The following RBFOX1 variants were observed in gnomAD, a reference collection of about 807,000 sequenced individuals.
RBFOX1 encodes RNA binding protein fox-1 homolog 1.
A neutral mutation model predicts 57.7 loss-of-function variants in RBFOX1; 8 were observed. The ratio of observed to expected loss-of-function variants is 0.14; its 90% CI spans 0.08 to 0.25. The LOEUF (loss-of-function observed/expected upper bound fraction) is 0.25. RBFOX1 is among the 10% of genes least tolerant of loss of function. RBFOX1 has a pLI of 1.00. For synonymous variants in RBFOX1, 326 were observed against 222.4 expected, an observed-to-expected ratio of 1.47 and a Z score of -4.15; for missense variants, 611 against 548.5, an observed-to-expected ratio of 1.11 and a Z score of -1.14.
At chr16:5,916,480 A>G (rs891494114) in intron 4 of RBFOX1, among the ~76,000 whole-genome samples, 1 of 151,954 alleles carries the variant, frequency 6.6e-6, no homozygotes, top group Non-Finnish European at 1.5e-5. Flanking sequence ...CATTGCTTCC[A>G]TCTAAATTTG....
intron 3 of RBFOX1, among the ~76,000 whole-genome samples, chr16:6,898,903 A>T (rs868568666): frequency 7.4e-6 from 1 of 135,298 alleles, no homozygotes; most frequent in Non-Finnish European, 1.6e-5. Context: ...TGCATCTCGT[A>T]TGTGTTTGTG....
chr16:7,181,748 A>T (rs2082753394), intron 4 of RBFOX1, among the ~76,000 whole-genome samples: 1 of 151,894 alleles, frequency 6.6e-6, no homozygotes. Flanking sequence ...TTTGGTAGAG[A>T]CACAGTCTTG....
chr16:5,903,099 G>C (rs968663520), intron 4 of RBFOX1, among the ~76,000 whole-genome samples: 1 of 151,306 alleles, frequency 6.6e-6, no homozygotes, highest in African/African-American at 2.4e-5. Context: ...GGTGTGTGTG[G>C]GTGTGTGTGT....
chr16:6,305,106 C>G (rs1042312304), intron 1 of RBFOX1, among the ~76,000 whole-genome samples: 1 of 152,172 alleles, frequency 6.6e-6, no homozygotes, highest in Admixed American at 6.5e-5. Context: ...CTTGTAAAAG[C>G]ACATCAATCA....
chr16:6,277,750 C>A (rs2075978301), intron 1 of RBFOX1, among the ~76,000 whole-genome samples: 1 of 151,914 alleles, frequency 6.6e-6, no homozygotes, highest in Non-Finnish European at 1.5e-5. Context: ...CTGCTGGTTT[C>A]CCCTACATTT....
intron 9 of RBFOX1, among the ~76,000 whole-genome samples, chr16:7,603,345 G>A (rs145511412): frequency 6.6e-6 from 1 of 152,238 alleles, no homozygotes; most frequent in African/African-American, 2.4e-5. Flanking sequence ...AACATTTTAG[G>A]TGCTGGAGAT....
intron 4 of RBFOX1, among the ~76,000 whole-genome samples, chr16:5,926,149 G>A (rs1597818751): frequency 6.6e-6 from 1 of 152,142 alleles, no homozygotes. Flanking sequence ...GAAAAGGGAA[G>A]GTAAAAGCTT....
At chr16:5,772,146 T>A (rs1323915864) in intron 3 of RBFOX1, among the ~76,000 whole-genome samples, 1 of 152,140 alleles carries the variant, frequency 6.6e-6, no homozygotes, top group Non-Finnish European at 1.5e-5. Context: ...CACTCCAGCC[T>A]GGGTGACAGA....
intron 3 of RBFOX1, among the ~76,000 whole-genome samples, chr16:7,012,234 A>G (rs115040866): frequency 0.023 from 3,451 of 152,280 alleles, 128 homozygotes; most frequent in African/African-American, 0.077. Context: ...AACTCATAAC[A>G]TCAGCAAGAT....
At position 6,964,503 on chromosome 16, in the gene RBFOX1, C is replaced by T. The variant is rs926195225; in HGVS notation, c.-15-87554C>T. Among the ~76,000 whole-genome samples, 5 of 152,210 alleles carry T rather than the reference C, an allele frequency of 3.3e-5. No individual in the cohort carries two copies. In the East Asian group the frequency reaches 9.7e-4, roughly 29 times the overall value. On this transcript the variant is annotated intron_variant, in intron 3 of 15. Transcript: ENST00000550418. ...TGGTTATCAACTGTAACAAATTGCA[C>T]CTCTGGTAGGGGGTTTTGTTAAGGG...
chr16:5,757,913 A>G (rs2053457159), intron 3 of RBFOX1, among the ~76,000 whole-genome samples: 1 of 151,422 alleles, frequency 6.6e-6, no homozygotes. Flanking sequence ...TTTCCCCTTC[A>G]CTACTCTCGC....
chr16:6,297,302 G>A (rs1193664711), intron 1 of RBFOX1, among the ~76,000 whole-genome samples: 1 of 152,108 alleles, frequency 6.6e-6, no homozygotes, highest in Non-Finnish European at 1.5e-5. Context: ...GTAGGTCTCA[G>A]CCTCATTTTA....
intron 12 of RBFOX1, among the ~76,000 whole-genome samples, chr16:7,659,756 T>G (rs1385262892): frequency 6.6e-6 from 1 of 152,206 alleles, no homozygotes; most frequent in South Asian, 2.1e-4. Flanking sequence ...TATTTGCTAG[T>G]TTTAAAATGT....
At chr16:6,402,021 C>T (rs144354827) in intron 2 of RBFOX1, among the ~76,000 whole-genome samples, 1 of 151,000 alleles carries the variant, frequency 6.6e-6, no homozygotes, top group Non-Finnish European at 1.5e-5. Context: ...TGGCCCCAAC[C>T]GTGATACCTT....
At chr16:7,688,248 TGTGTGTGTGTGTGA>T (rs1225881999) in intron 14 of RBFOX1, among the ~76,000 whole-genome samples, 4 of 97,320 alleles carry the variant, frequency 4.1e-5, no homozygotes, top group African/African-American at 1.5e-4. Flanking sequence ...TGTGTGTGTG[TGTGTGTGTGTGTGA>T]GAGAGAGAGA....
At chr16:7,215,922 A>T (rs2091960780) in intron 4 of RBFOX1, among the ~76,000 whole-genome samples, 1 of 151,842 alleles carries the variant, frequency 6.6e-6, no homozygotes, top group South Asian at 2.1e-4. Flanking sequence ...ATGGGGTTTC[A>T]CCGTGTTAGC....
intron 1 of RBFOX1, among the ~76,000 whole-genome samples, chr16:6,087,668 T>G (rs2152523221): frequency 6.6e-6 from 1 of 152,112 alleles, no homozygotes; most frequent in South Asian, 2.1e-4. Flanking sequence ...TTTTTTTTTT[T>G]TTTTGAGATG....
intron 1 of RBFOX1, among the ~76,000 whole-genome samples, chr16:5,321,527 A>C (rs1289733508): frequency 6.6e-6 from 1 of 152,072 alleles, no homozygotes; most frequent in Non-Finnish European, 1.5e-5. Context: ...TCACTGTGTT[A>C]GCCAGGATGG....
intron 4 of RBFOX1, among the ~76,000 whole-genome samples, chr16:5,895,912 A>C (rs2152162926): frequency 1.3e-5 from 2 of 152,334 alleles, no homozygotes; most frequent in South Asian, 4.1e-4. Flanking sequence ...CACATTTCTA[A>C]ATCAAAAAGA....
Sources: allele counts gnomAD v4.1 joint callset (sites outside exome capture counted in the v4.1 genomes callset), GRCh38; gene constraint gnomAD v4.1.1; transcripts MANE v1.5; gene names NCBI Gene and HGNC (gene_info 2026-07-23, HGNC 2026-07-21).